The following DSCAML1 variants were observed in gnomAD, a reference collection of about 807,000 sequenced individuals.
DSCAML1 encodes the protein cell adhesion molecule DSCAML1.
DSCAML1 carries 38 observed loss-of-function variants against 200.5 expected under a neutral mutation model. The observed-to-expected ratio is 0.19, with a 90% CI of 0.15 to 0.25. The LOEUF (loss-of-function observed/expected upper bound fraction) is 0.25. Among genes scored for constraint, DSCAML1 ranks in the 10% least tolerant of loss-of-function variants. The probability of loss-of-function intolerance (pLI) is 1.00; values close to 1 mark genes in which losing one functional copy is unlikely to be tolerated. For synonymous variants in DSCAML1, 1,215 were observed against 1,165.0 expected (o/e 1.04, Z -0.87); for missense variants, 2,223 against 2,858.8 (o/e 0.78, Z 5.07).
intron 11 of DSCAML1, among the ~76,000 whole-genome samples, chr11:117,486,440 G>C (rs192910011): frequency 5.9e-5 from 9 of 152,174 alleles, no homozygotes; most frequent in Admixed American, 5.9e-4. Flanking sequence ...GGATGTGAAA[G>C]TGGCAGATAT....
chr11:117,797,297 C>A (rs543263873), upstream of DSCAML1: 146 of 1,320,850 alleles, frequency 1.1e-4, no homozygotes, highest in South Asian at 2.6e-3. Flanking sequence ...TCCCCGCCCC[C>A]CCGCGGCACC....
intron 3 of DSCAML1, among the ~76,000 whole-genome samples, chr11:117,678,470 T>A (rs894739958): frequency 6.6e-6 from 1 of 152,148 alleles, no homozygotes; most frequent in African/African-American, 2.4e-5. Flanking sequence ...AGGGGTAAAC[T>A]AAACAAACAA....
chr11:117,550,303 A>C (rs1197179488), intron 3 of DSCAML1, among the ~76,000 whole-genome samples: 1 of 152,216 alleles, frequency 6.6e-6, no homozygotes, highest in Non-Finnish European at 1.5e-5. Context: ...GGGCTCATAG[A>C]GATTCAGAAG....
chr11:117,744,405 C>A (rs560629786), intron 3 of DSCAML1, among the ~76,000 whole-genome samples: 1 of 152,230 alleles, frequency 6.6e-6, no homozygotes, highest in Non-Finnish European at 1.5e-5. Flanking sequence ...GGGCCTGAGA[C>A]CCTGCATTGC....
At chr11:117,758,393 G>A (rs2054735885) in intron 3 of DSCAML1, among the ~76,000 whole-genome samples, 1 of 149,178 alleles carries the variant, frequency 6.7e-6, no homozygotes. Context: ...TGGCAGAACT[G>A]TTTTGTTTTG....
intron 5 of DSCAML1, among the ~76,000 whole-genome samples, chr11:117,523,947 CAG>C (rs1220088794): frequency 1.3e-5 from 2 of 152,338 alleles, no homozygotes; most frequent in Middle Eastern, 3.4e-3. Context: ...GCAGGGAACT[CAG>C]AGAGTCAGAC....
chr11:117,510,650 T>G (rs945941618), intron 8 of DSCAML1, among the ~76,000 whole-genome samples: 7 of 152,156 alleles, frequency 4.6e-5, no homozygotes, highest in Non-Finnish European at 7.4e-5. Context: ...CTCACTAAAA[T>G]GTAAACTCCC....
At chr11:117,749,595 T>A (rs2054572204) in intron 3 of DSCAML1, among the ~76,000 whole-genome samples, 1 of 152,130 alleles carries the variant, frequency 6.6e-6, no homozygotes, top group African/African-American at 2.4e-5. Context: ...AACCAGCCCA[T>A]CTGCTGGGAA....
intron 3 of DSCAML1, among the ~76,000 whole-genome samples, chr11:117,731,564 T>C (rs2054219708): frequency 6.6e-6 from 1 of 152,196 alleles, no homozygotes; most frequent in Admixed American, 6.5e-5. Flanking sequence ...AAGACCCCTG[T>C]GGCTTCCCCA....
intron 3 of DSCAML1, among the ~76,000 whole-genome samples, chr11:117,666,047 C>T (rs1591378300): frequency 6.6e-6 from 1 of 152,212 alleles, no homozygotes; most frequent in South Asian, 2.1e-4. Context: ...TCCTCCATCA[C>T]TGCGGTCAGA....
At chr11:117,660,201 T>C (rs756663398) in intron 3 of DSCAML1, among the ~76,000 whole-genome samples, 7 of 152,116 alleles carry the variant, frequency 4.6e-5, no homozygotes, top group Non-Finnish European at 8.8e-5. Flanking sequence ...CTGAGTCCCA[T>C]AGAACAAGCT....
intron 3 of DSCAML1, among the ~76,000 whole-genome samples, chr11:117,762,863 A>AAATAAT (rs1226281052): frequency 1.6e-5 from 1 of 64,228 alleles, no homozygotes; most frequent in Non-Finnish European, 3.4e-5. Context: ...ACTCTGTCTC[A>AAATAAT]AATAGTAATA....
chr11:117,466,551 A>G (rs548025086), intron 16 of DSCAML1, among the ~76,000 whole-genome samples: 1 of 152,234 alleles, frequency 6.6e-6, no homozygotes, highest in South Asian at 2.1e-4. Flanking sequence ...AATACAAAAA[A>G]TTAGCTGGGT....
intron 18 of DSCAML1, 43 bp downstream of exon 18, chr11:117,461,407 C>T (rs574604087): frequency 2.4e-5 from 38 of 1,612,700 alleles, no homozygotes; most frequent in East Asian, 6.7e-5. Context: ...CACTGACCTG[C>T]GCCTCTCCCC....
At chr11:117,731,699 G>A (rs1383773709) in intron 3 of DSCAML1, among the ~76,000 whole-genome samples, 2 of 152,200 alleles carry the variant, frequency 1.3e-5, no homozygotes, top group African/African-American at 4.8e-5. Flanking sequence ...AATACATGTA[G>A]CTGTTACATG....
chr11:117,505,855 T>C lies in DSCAML1; in HGVS notation c.1784-123A>G. 8.2e-7 allele frequency: 1 copy of C among 1,216,622 alleles called. No individual in the cohort carries two copies. Among genetic ancestry groups the C allele is most frequent in the African/African-American group, 1.5e-5 (1 of 65,716 alleles). The allele number at this position is 1,216,622 out of a possible 1,614,324, so 75.4% of individuals were successfully genotyped here. ...CTTGAACAAAGATCCCCTGGGGCAC[T>C]GCAGCCTTGTTCTCCTATGCATGCA... On this transcript the variant is annotated intron_variant, in intron 8 of 32. Coordinates refer to ENST00000651296, the MANE Select transcript of DSCAML1 (RefSeq NM_020693.4). This position sits in a 1 kb window ranked among gnomAD's most constrained non-coding sequence, Gnocchi z 6.7.
chr11:117,808,178 G>A (rs370493988), intron 1 of DSCAML1, among the ~76,000 whole-genome samples: 1 of 152,178 alleles, frequency 6.6e-6, no homozygotes, highest in African/African-American at 2.4e-5. Context: ...ATCAATATCC[G>A]CATGTTACAG....
At position 117,687,426 on chromosome 11, in the gene DSCAML1, AT is replaced by A. The variant is rs71037492; in HGVS notation, c.511+89364del. Among the ~76,000 whole-genome samples, 65 of 97,638 alleles carry A rather than the reference AT, an allele frequency of 6.7e-4. 1 individual carries two copies. The South Asian group carries it at 0.01, about 16-fold the overall frequency. 64.1% of individuals were successfully genotyped at this position (97,638 alleles called of 152,430 possible). Reference sequence around the variant, plus strand: ...CAGGTGTGCTCCACCATGCCTGGCTATTTTTTTTTTTTTTTTTTTTTTAGAG... The same window carrying A: ...CAGGTGTGCTCCACCATGCCTGGCTATTTTTTTTTTTTTTTTTTTTTAGAG... On this transcript the variant is annotated intron_variant, in intron 3 of 32. Coordinates refer to ENST00000651296, the MANE Select transcript of DSCAML1 (RefSeq NM_020693.4).
chr11:117,775,639 G>T (rs7941246), intron 3 of DSCAML1, among the ~76,000 whole-genome samples: 94,646 of 151,860 alleles, frequency 0.62, 32,602 homozygotes, highest in East Asian at 0.82. Flanking sequence ...ACACGCCAGA[G>T]CATGGTTCTT....
Sources: gnomAD v4.1 joint callset for allele counts (sites outside exome capture counted in the v4.1 genomes callset) on GRCh38, gnomAD v4.1.1 for gene constraint, Gnocchi (gnomAD v3.1) non-coding constraint, MANE v1.5 for transcripts, NCBI Gene and HGNC (gene_info 2026-07-23, HGNC 2026-07-21) for gene names.